Variants in NRG1 observed in about 807,000 individuals in gnomAD.
The protein encoded by NRG1 is neuregulin 1.
NRG1 carries 18 observed loss-of-function variants against 63.8 expected under a neutral mutation model. The ratio of observed to expected loss-of-function variants is 0.28; its 90% CI spans 0.19 to 0.42. NRG1 has a LOEUF of 0.42. Among genes scored for constraint, NRG1 ranks in the 10% least tolerant of loss-of-function variants. The pLI is 1.00. For synonymous variants in NRG1, 302 were observed against 301.3 expected, an observed-to-expected ratio of 1.00 and a Z score of -0.02; for missense variants, 762 against 814.7, an observed-to-expected ratio of 0.94 and a Z score of 0.79.
intron 1 of NRG1, among the ~76,000 whole-genome samples, chr8:32,313,538 A>G (rs542466050): frequency 5.9e-5 from 9 of 152,244 alleles, no homozygotes; most frequent in Admixed American, 3.9e-4. Context: ...AAACTCAGTA[A>G]CAACACTGAA....
At chr8:32,084,921 G>A (rs1563767849) in intron 1 of NRG1, among the ~76,000 whole-genome samples, 1 of 152,186 alleles carries the variant, frequency 6.6e-6, no homozygotes, top group Non-Finnish European at 1.5e-5. Flanking sequence ...TTTTAATTCA[G>A]AAGTATATTG....
chr8:31,823,128 T>C (rs544586505), intron 1 of NRG1, among the ~76,000 whole-genome samples: 2 of 146,398 alleles, frequency 1.4e-5, no homozygotes, highest in South Asian at 2.2e-4. Context: ...TTTTTTTTTT[T>C]TTTTTTTTTT....
intron 1 of NRG1, among the ~76,000 whole-genome samples, chr8:31,743,906 G>T (rs536713349): frequency 6.6e-6 from 1 of 151,908 alleles, no homozygotes; most frequent in Non-Finnish European, 1.5e-5. Flanking sequence ...GGAAAAAAAA[G>T]CTTTGTTTTG....
chr8:32,676,152 A>T (rs947315356), intron 5 of NRG1, among the ~76,000 whole-genome samples: 1 of 152,120 alleles, frequency 6.6e-6, no homozygotes, highest in Admixed American at 6.6e-5. Flanking sequence ...CCTCATTTTG[A>T]TGTTTTAGTG....
chr8:32,163,289 C>G lies in NRG1; in HGVS notation c.38-432539C>G, dbSNP rs182986260. ...TTTGTATGTGTGAGAGCACTGACTT[C>G]AGAAACAGAAATGAGTTTCCAGCCC... On this transcript the variant is annotated intron_variant, in intron 1 of 10. Coordinates refer to the NRG1 transcript ENST00000519301. Among the ~76,000 whole-genome samples the G allele has an allele frequency of 2.6e-5, 4 of 152,268 alleles. No homozygotes were observed. The East Asian group carries it at 7.7e-4, about 29-fold the overall frequency.
chr8:32,492,464 A>C, intron 1 of NRG1, among the ~76,000 whole-genome samples: 1 of 149,924 alleles, frequency 6.7e-6, no homozygotes, highest in Admixed American at 6.6e-5. Context: ...CATATAGAAG[A>C]CCTCTCTCAA....
intron 5 of NRG1, among the ~76,000 whole-genome samples, chr8:32,688,798 G>A (rs536748153): frequency 6.6e-6 from 1 of 152,162 alleles, no homozygotes; most frequent in African/African-American, 2.4e-5. Flanking sequence ...TTTCTTTACT[G>A]TTAGAACAGT....
chr8:32,660,364 T>C (rs575030050), intron 5 of NRG1, among the ~76,000 whole-genome samples: 2 of 152,306 alleles, frequency 1.3e-5, no homozygotes, highest in East Asian at 3.9e-4. Flanking sequence ...AAAGTTACAC[T>C]GAGGGTAACT....
chr8:32,493,073 A>T (rs1476905809), intron 1 of NRG1, among the ~76,000 whole-genome samples: 2 of 152,120 alleles, frequency 1.3e-5, no homozygotes. Flanking sequence ...ACTGCCAGGG[A>T]TTTCCAATGG....
intron 1 of NRG1, among the ~76,000 whole-genome samples, chr8:32,116,610 G>A (rs1832746848): frequency 6.6e-6 from 1 of 152,116 alleles, no homozygotes; most frequent in Admixed American, 6.6e-5. Flanking sequence ...ATAAGTGCCT[G>A]TCAGAGAGAA....
At chr8:32,045,917 A>G (rs28875499) in intron 1 of NRG1, among the ~76,000 whole-genome samples, 4,044 of 152,100 alleles carry the variant, frequency 0.027, 183 homozygotes, top group African/African-American at 0.09. Flanking sequence ...AGAAGAAAAT[A>G]TATGTATATA....
intron 1 of NRG1, among the ~76,000 whole-genome samples, chr8:31,932,194 T>C (rs1335077792): frequency 1.3e-5 from 2 of 152,032 alleles, no homozygotes; most frequent in Non-Finnish European, 2.9e-5. Flanking sequence ...TTACAAATTA[T>C]AGGTTCCAGG....
chr8:32,412,460 A>ATG (rs2129485545), intron 1 of NRG1, among the ~76,000 whole-genome samples: 1 of 76,756 alleles, frequency 1.3e-5, no homozygotes, highest in Admixed American at 1.3e-4. Flanking sequence ...ATACATATAT[A>ATG]TATATATATA....
At chr8:32,004,024 A>T (rs944131525) in intron 1 of NRG1, among the ~76,000 whole-genome samples, 1 of 152,070 alleles carries the variant, frequency 6.6e-6, no homozygotes, top group Non-Finnish European at 1.5e-5. Flanking sequence ...AAGATGGGAT[A>T]TCCATAAAAT....
At chr8:32,760,508 A>C in intron 11 of NRG1, 102 bp downstream of exon 11, 1 of 1,549,830 alleles carries the variant, frequency 6.5e-7, no homozygotes, top group Non-Finnish European at 8.7e-7. Flanking sequence ...AATCAGAATA[A>C]GGGGCGGCAG....
intron 1 of NRG1, among the ~76,000 whole-genome samples, chr8:32,581,539 A>G (rs1390509433): frequency 1.3e-5 from 2 of 152,234 alleles, no homozygotes; most frequent in Non-Finnish European, 2.9e-5. Flanking sequence ...ATGCATTAAA[A>G]GAATAAAGCC....
chr8:32,029,766 C>T (rs563392352), intron 1 of NRG1, among the ~76,000 whole-genome samples: 1 of 152,180 alleles, frequency 6.6e-6, no homozygotes, highest in African/African-American at 2.4e-5. Context: ...TTGAAAGCCT[C>T]ATGACCTGAA....
intron 1 of NRG1, among the ~76,000 whole-genome samples, chr8:31,790,268 A>G (rs1304796794): frequency 3.3e-5 from 5 of 152,212 alleles, no homozygotes; most frequent in Admixed American, 3.3e-4. Context: ...TTGAAGTAAC[A>G]AGAAATTAGG....
intron 1 of NRG1, among the ~76,000 whole-genome samples, chr8:32,564,582 G>T (rs35830140): frequency 0.2 from 30,401 of 152,190 alleles, 3,869 homozygotes; most frequent in Admixed American, 0.33. Flanking sequence ...AAAGAGTTCA[G>T]AGAATGGGCT....
Sources: gnomAD v4.1 joint callset for allele counts (sites outside exome capture counted in the v4.1 genomes callset) on GRCh38, gnomAD v4.1.1 for gene constraint, MANE v1.5 for transcripts, NCBI Gene and HGNC (gene_info 2026-07-23, HGNC 2026-07-21) for gene names.